Variants in IGF2BP3 observed in about 807,000 individuals in gnomAD.
IGF2BP3 encodes insulin-like growth factor 2 mRNA-binding protein 3.
In IGF2BP3, 9 loss-of-function variants were observed where a neutral mutation model predicts 73.8. The ratio of observed to expected loss-of-function variants is 0.12; its 90% CI spans 0.07 to 0.21. The LOEUF (loss-of-function observed/expected upper bound fraction) is 0.21. IGF2BP3 is among the 10% of genes least tolerant of loss of function. IGF2BP3 has a pLI of 1.00. For synonymous variants in IGF2BP3, 258 were observed against 256.7 expected (o/e 1.01, Z -0.05); for missense variants, 542 against 714.0 (o/e 0.76, Z 2.75).
chr7:23,414,278 T>C (rs1269935731), intron 3 of IGF2BP3: 2 of 152,258 alleles, frequency 1.3e-5, no homozygotes, highest in Admixed American at 1.3e-4. Flanking sequence ...TAAAGCTGCT[T>C]GACACAGCAT....
At chr7:23,371,887 CTG>C (rs1479983597) in intron 3 of IGF2BP3, among the ~76,000 whole-genome samples, 1 of 152,168 alleles carries the variant, frequency 6.6e-6, no homozygotes, top group African/African-American at 2.4e-5. Context: ...ACTGGACTCT[CTG>C]AGAGAGAACA....
chr7:23,392,373 T>TCA (rs1786304147), intron 3 of IGF2BP3, among the ~76,000 whole-genome samples: 2 of 146,332 alleles, frequency 1.4e-5, no homozygotes, highest in South Asian at 4.4e-4. Flanking sequence ...CAGTAAGTAG[T>TCA]GCTGTCACAA....
At chr7:23,354,654 ACTT>A (rs1408534999) in intron 5 of IGF2BP3, among the ~76,000 whole-genome samples, 2 of 152,198 alleles carry the variant, frequency 1.3e-5, no homozygotes, top group Admixed American at 1.3e-4. Context: ...GCAAAAACTA[ACTT>A]CTAACTTTTA....
At chr7:23,386,273 T>C (rs528851585) in intron 3 of IGF2BP3, among the ~76,000 whole-genome samples, 4 of 152,264 alleles carry the variant, frequency 2.6e-5, no homozygotes, top group South Asian at 4.1e-4. Context: ...CCAAGGCAGA[T>C]GGAGTGCCTG....
At chr7:23,404,645 T>C (rs1276145289) in intron 3 of IGF2BP3, among the ~76,000 whole-genome samples, 8 of 152,176 alleles carry the variant, frequency 5.3e-5, no homozygotes, top group Non-Finnish European at 1.0e-4. Flanking sequence ...CAGTAAATTA[T>C]AGCCTTTCTC....
intron 8 of IGF2BP3, 121 bp downstream of exon 8, chr7:23,345,819 G>A (rs1029064440): frequency 3.5e-6 from 4 of 1,137,492 alleles, no homozygotes; most frequent in African/African-American, 1.6e-5. Context: ...GAGAAACCAT[G>A]TGTAAGTACG....
chr7:23,352,705 C>A (rs763800099), intron 5 of IGF2BP3, among the ~76,000 whole-genome samples: 1 of 152,182 alleles, frequency 6.6e-6, no homozygotes, highest in African/African-American at 2.4e-5. Context: ...AACTAGAACA[C>A]ACCAGGGCCC....
At chr7:23,441,850 C>T (rs1443734348) in intron 2 of IGF2BP3, among the ~76,000 whole-genome samples, 2 of 152,094 alleles carry the variant, frequency 1.3e-5, no homozygotes, top group Non-Finnish European at 2.9e-5. Flanking sequence ...TCTGGCTGGG[C>T]GGGGTGGCTC....
intron 12 of IGF2BP3, among the ~76,000 whole-genome samples, chr7:23,315,216 T>C (rs1348132259): frequency 6.6e-6 from 1 of 152,080 alleles, no homozygotes; most frequent in East Asian, 1.9e-4. Context: ...CAAGTGACTC[T>C]CCTGCCTCAG....
intron 3 of IGF2BP3, among the ~76,000 whole-genome samples, chr7:23,363,764 T>C (rs1785292132): frequency 6.6e-6 from 1 of 152,240 alleles, no homozygotes; most frequent in Non-Finnish European, 1.5e-5. Flanking sequence ...AGTGAATACT[T>C]CATAGGAGGA....
At chr7:23,368,129 T>G (rs185799851) in intron 3 of IGF2BP3, among the ~76,000 whole-genome samples, 1 of 152,168 alleles carries the variant, frequency 6.6e-6, no homozygotes, top group South Asian at 2.1e-4. Context: ...TCACTCATAA[T>G]AGTCTGAAGT....
intron 2 of IGF2BP3, among the ~76,000 whole-genome samples, chr7:23,461,794 T>G (rs1303729582): frequency 6.6e-6 from 1 of 152,206 alleles, no homozygotes; most frequent in Admixed American, 6.5e-5. Context: ...CATACAAAGA[T>G]AGCCACCATC....
At chr7:23,358,679 T>G (rs1253902179) in intron 5 of IGF2BP3, among the ~76,000 whole-genome samples, 1 of 152,216 alleles carries the variant, frequency 6.6e-6, no homozygotes, top group Non-Finnish European at 1.5e-5. Context: ...CCAATGCCTC[T>G]CAAATAAAAT....
chr7:23,455,221 C>A (rs1287308426), intron 2 of IGF2BP3, among the ~76,000 whole-genome samples: 1 of 152,216 alleles, frequency 6.6e-6, no homozygotes, highest in Non-Finnish European at 1.5e-5. Flanking sequence ...GTCACTCCAT[C>A]ACGCACGCAG....
At chr7:23,325,832 A>G (rs1336660424) in intron 10 of IGF2BP3, among the ~76,000 whole-genome samples, 2 of 152,236 alleles carry the variant, frequency 1.3e-5, no homozygotes, top group Admixed American at 6.5e-5. Context: ...TGGGGAAAGG[A>G]TTCCCTATTT....
chr7:23,362,965 G>T (rs566625390), intron 3 of IGF2BP3, among the ~76,000 whole-genome samples: 5 of 152,126 alleles, frequency 3.3e-5, no homozygotes, highest in South Asian at 4.2e-4. Flanking sequence ...ACGTTGCCCA[G>T]GCTGGTCTCA....
chr7:23,401,704 G>C (rs1436661407), intron 3 of IGF2BP3, among the ~76,000 whole-genome samples: 1 of 152,036 alleles, frequency 6.6e-6, no homozygotes, highest in Non-Finnish European at 1.5e-5. Flanking sequence ...GGTAAAGGTT[G>C]CAGTGAGCCA....
At chr7:23,332,915 C>T (rs560062451) in intron 10 of IGF2BP3, among the ~76,000 whole-genome samples, 12 of 152,174 alleles carry the variant, frequency 7.9e-5, no homozygotes, top group Admixed American at 2.6e-4. Context: ...TAAGAATGTC[C>T]GTATTATGTT....
chr7:23,396,688 A>G (rs1786484461), intron 3 of IGF2BP3, among the ~76,000 whole-genome samples: 1 of 152,112 alleles, frequency 6.6e-6, no homozygotes, highest in Admixed American at 6.6e-5. Context: ...CCAGAACAAA[A>G]TAAGACTGTT....
Sources: allele counts gnomAD v4.1 joint callset (sites outside exome capture counted in the v4.1 genomes callset), GRCh38; gene constraint gnomAD v4.1.1; transcripts MANE v1.5; gene names NCBI Gene and HGNC (gene_info 2026-07-23, HGNC 2026-07-21).